The following GLIS3 variants were observed in gnomAD, a reference collection of about 807,000 sequenced individuals.
The protein encoded by GLIS3 is zinc finger protein GLIS3.
GLIS3 carries 53 observed loss-of-function variants against 78.6 expected under a neutral mutation model. The observed-to-expected ratio is 0.67, with a 90% CI of 0.54 to 0.85. The LOEUF (loss-of-function observed/expected upper bound fraction) is 0.85, where lower values mean the gene tolerates loss of function less well. Among genes scored for constraint, GLIS3 ranks in the 40% least tolerant of loss-of-function variants. The pLI is 0.00. For missense variants in GLIS3, 1,703 were observed against 1,231.1 expected (o/e 1.38, Z -5.74); for synonymous variants, 684 against 509.9 (o/e 1.34, Z -4.60).
chr9:3,976,540 G>A (rs1818802936), intron 4 of GLIS3, among the ~76,000 whole-genome samples: 1 of 151,460 alleles, frequency 6.6e-6, no homozygotes, highest in Admixed American at 6.6e-5. Context: ...AGTATGAGTA[G>A]GAAAAGGACT....
At chr9:4,196,556 G>A (rs369412294) in intron 2 of GLIS3, among the ~76,000 whole-genome samples, 2 of 152,298 alleles carry the variant, frequency 1.3e-5, no homozygotes, top group South Asian at 4.1e-4. Context: ...AACCCACTGA[G>A]AGGAATGAAC....
At chr9:3,969,340 G>C (rs542243521) in intron 4 of GLIS3, among the ~76,000 whole-genome samples, 1 of 152,174 alleles carries the variant, frequency 6.6e-6, no homozygotes, top group African/African-American at 2.4e-5. Flanking sequence ...GTTCAAAAGC[G>C]AGCAAACCTT....
At position 4,159,030 on chromosome 9, in the gene GLIS3, G is replaced by GAAAA. The variant is rs141412126; in HGVS notation, c.389-33090_389-33089insTTTT. Among the ~76,000 whole-genome samples the GAAAA allele has an allele frequency of 3.9e-4, 31 of 79,094 alleles. 9 individuals carry two copies. Among genetic ancestry groups the GAAAA allele is most frequent in the Admixed American group, 4.3e-4 (3 of 7,002 alleles). The allele number at this position is 79,094 out of a possible 152,430, so 51.9% of individuals were successfully genotyped here. ...GCTTGGTATGCTAGAGAAAGGAGAA[G>GAAAA]AAGAAAAAAAAAAAAAAAAGCCAGG... On this transcript the variant is annotated intron_variant, in intron 2 of 10. Transcript: ENST00000381971.
the GLIS3 span, among the ~76,000 whole-genome samples, chr9:4,457,598 A>T: frequency 6.6e-6 from 1 of 152,004 alleles, no homozygotes; most frequent in Non-Finnish European, 1.5e-5. Context: ...CTGTAATCTC[A>T]GCACTTTGGG....
chr9:3,941,444 G>C (rs1284966883), intron 4 of GLIS3, among the ~76,000 whole-genome samples: 1 of 152,028 alleles, frequency 6.6e-6, no homozygotes, highest in African/African-American at 2.4e-5. Context: ...AGTTACATAT[G>C]TATACATGTG....
At chr9:4,486,533 T>C in the GLIS3 span, among the ~76,000 whole-genome samples, 1 of 152,246 alleles carries the variant, frequency 6.6e-6, no homozygotes, top group African/African-American at 2.4e-5. Flanking sequence ...CCAGATAGTA[T>C]ATAAACTTCT....
chr9:4,410,134 C>CTT, the GLIS3 span, among the ~76,000 whole-genome samples: 1 of 148,292 alleles, frequency 6.7e-6, no homozygotes, highest in African/African-American at 2.6e-5. Flanking sequence ...CCATGCCCGG[C>CTT]TATTTTTTTT....
At chr9:4,137,052 G>A (rs879885286) in intron 2 of GLIS3, among the ~76,000 whole-genome samples, 1 of 152,184 alleles carries the variant, frequency 6.6e-6, no homozygotes, top group Non-Finnish European at 1.5e-5. Flanking sequence ...AGAAAGGCTG[G>A]AGGAGCACAT....
At chr9:4,487,133 G>A in the GLIS3 span, among the ~76,000 whole-genome samples, 1 of 152,214 alleles carries the variant, frequency 6.6e-6, no homozygotes, top group African/African-American at 2.4e-5. Flanking sequence ...TCGAGTAGCT[G>A]GGATTACAGG....
chr9:4,366,367 C>T, the GLIS3 span, among the ~76,000 whole-genome samples: 1 of 152,078 alleles, frequency 6.6e-6, no homozygotes, highest in Non-Finnish European at 1.5e-5. Context: ...TCCAAGGCAA[C>T]GAGTTAAAAC....
chr9:4,051,767 G>C (rs1825761599), intron 4 of GLIS3, among the ~76,000 whole-genome samples: 1 of 152,158 alleles, frequency 6.6e-6, no homozygotes, highest in South Asian at 2.1e-4. Flanking sequence ...CCATATGTCA[G>C]ATGGATGACA....
At chr9:3,953,760 G>GCTCTCTCTCTCTCTCT (rs71507912) in intron 4 of GLIS3, among the ~76,000 whole-genome samples, 2 of 103,408 alleles carry the variant, frequency 1.9e-5, no homozygotes, top group African/African-American at 7.4e-5. Flanking sequence ...AATTAGATTT[G>GCTCTCTCTCTCTCTCT]CTCTCTCTCT....
the GLIS3 span, among the ~76,000 whole-genome samples, chr9:4,423,658 A>G: frequency 3.3e-5 from 5 of 152,380 alleles, no homozygotes; most frequent in African/African-American, 1.2e-4. Flanking sequence ...CAGAACGTTC[A>G]GCCCAATGCC....
intron 2 of GLIS3, among the ~76,000 whole-genome samples, chr9:4,313,331 C>T (rs1355947837): frequency 6.6e-6 from 1 of 152,160 alleles, no homozygotes; most frequent in Non-Finnish European, 1.5e-5. Context: ...GCCATTGCTG[C>T]TCCCTCTTCA....
chr9:4,304,251 G>C (rs1194153987), upstream of GLIS3, among the ~76,000 whole-genome samples: 3 of 152,194 alleles, frequency 2.0e-5, no homozygotes, highest in Non-Finnish European at 2.9e-5. Flanking sequence ...AGTACAAGGC[G>C]TCTTGTTATC....
At chr9:4,429,075 T>C in the GLIS3 span, among the ~76,000 whole-genome samples, 1 of 152,196 alleles carries the variant, frequency 6.6e-6, no homozygotes, top group Non-Finnish European at 1.5e-5. Context: ...CCATATAAAA[T>C]TGCTATCTTG....
At chr9:4,397,324 C>G in the GLIS3 span, among the ~76,000 whole-genome samples, 1 of 151,648 alleles carries the variant, frequency 6.6e-6, no homozygotes, top group African/African-American at 2.4e-5. Flanking sequence ...CACACCCTGC[C>G]GTCAATCCAT....
At chr9:4,237,752 ATTAACT>A (rs1463989282) in intron 2 of GLIS3, among the ~76,000 whole-genome samples, 2 of 152,114 alleles carry the variant, frequency 1.3e-5, no homozygotes, top group Non-Finnish European at 2.9e-5. Context: ...TTCATTTGAG[ATTAACT>A]TTAAATTGAG....
Position 4,216,743 on chromosome 9 carries a change from G to C in GLIS3, c.388+69295C>G, listed in dbSNP as rs192192076. Among the ~76,000 whole-genome samples, 11 of 152,248 alleles carry C rather than the reference G, an allele frequency of 7.2e-5. No homozygotes were observed. In the East Asian group the frequency reaches 2.1e-3, roughly 29 times the overall value. ...AGGATTCAGGTTTCGAAACTCCCAA[G>C]ACTTTACTAGTAAACTTATTCTTAC... is the stretch of plus-strand genomic sequence containing the variant. On this transcript the variant is annotated intron_variant, in intron 2 of 10. Coordinates refer to ENST00000381971, the MANE Select transcript of GLIS3 (RefSeq NM_001042413.2).
Sources: gnomAD v4.1 joint callset for allele counts (sites outside exome capture counted in the v4.1 genomes callset) on GRCh38, gnomAD v4.1.1 for gene constraint, MANE v1.5 for transcripts, NCBI Gene and HGNC (gene_info 2026-07-23, HGNC 2026-07-21) for gene names.